Variants in ERBB4 observed in about 807,000 individuals in gnomAD.
ERBB4 encodes the protein erb-b2 receptor tyrosine kinase 4.
A neutral mutation model predicts 158.0 loss-of-function variants in ERBB4; 42 were observed. That is an observed-to-expected ratio of 0.27 (90% CI 0.21 to 0.34). The LOEUF (loss-of-function observed/expected upper bound fraction) is 0.34, where lower values mean the gene tolerates loss of function less well. ERBB4 is among the 10% of genes least tolerant of loss of function. The probability of loss-of-function intolerance (pLI) is 1.00; values close to 1 mark genes in which losing one functional copy is unlikely to be tolerated. For missense variants in ERBB4, 1,333 were observed against 1,624.1 expected (o/e 0.82, Z 3.08); for synonymous variants, 583 against 558.7 (o/e 1.04, Z -0.61).
chr2:211,885,516 C>A (rs2106163852), intron 3 of ERBB4, among the ~76,000 whole-genome samples: 1 of 152,084 alleles, frequency 6.6e-6, no homozygotes, highest in Admixed American at 6.5e-5. Context: ...AGTATACTGG[C>A]ATGATCTCGG....
In ERBB4 at chr2:212,384,924, C is replaced by T. The variant is rs575317843; in HGVS notation, c.82+153525G>A. 4.7e-3 allele frequency among the ~76,000 whole-genome samples: 605 copies of T among 127,392 alleles called. 1 individual carries two copies. Among genetic ancestry groups the T allele is most frequent in the South Asian group, 0.032 (138 of 4,278 alleles). The allele number at this position is 127,392 out of a possible 152,430, so 83.6% of individuals were successfully genotyped here. A position where few individuals can be genotyped will look rare whatever the true frequency, so the allele number is the denominator to read the frequency against. The stretch of plus-strand genomic sequence containing the variant: ...ATATATATATATATATATATATACA[C>T]ACACACACACACTCACACACACAAA... On this transcript the variant is annotated intron_variant, in intron 1 of 27. Coordinates refer to ENST00000342788, the MANE Select transcript of ERBB4 (RefSeq NM_005235.3).
intron 3 of ERBB4, among the ~76,000 whole-genome samples, chr2:211,793,647 A>G (rs1161634843): frequency 6.6e-6 from 1 of 151,940 alleles, no homozygotes; most frequent in Non-Finnish European, 1.5e-5. Context: ...ATGATACAAA[A>G]GTAATATAGC....
intron 1 of ERBB4, among the ~76,000 whole-genome samples, chr2:212,382,034 A>G (rs2090519832): frequency 6.6e-6 from 1 of 151,070 alleles, no homozygotes; most frequent in Non-Finnish European, 1.5e-5. Flanking sequence ...TGTTAGAAAT[A>G]CAGAATTTTA....
chr2:211,579,489 A>T (rs1210717885), intron 19 of ERBB4, among the ~76,000 whole-genome samples: 1 of 152,202 alleles, frequency 6.6e-6, no homozygotes. Context: ...TTGGAAAGAT[A>T]CATGCACATC....
At chr2:212,334,422 A>C (rs2106303187) in intron 1 of ERBB4, among the ~76,000 whole-genome samples, 1 of 152,170 alleles carries the variant, frequency 6.6e-6, no homozygotes, top group African/African-American at 2.4e-5. Flanking sequence ...CTGAATAATT[A>C]ATTGTTGAAT....
At chr2:211,501,413 T>C (rs2065612391) in intron 20 of ERBB4, among the ~76,000 whole-genome samples, 1 of 151,830 alleles carries the variant, frequency 6.6e-6, no homozygotes, top group Non-Finnish European at 1.5e-5. Context: ...CTACTTGATT[T>C]GATCATTACC....
At chr2:211,507,167 A>G (rs1038064894) in intron 20 of ERBB4, among the ~76,000 whole-genome samples, 7 of 152,136 alleles carry the variant, frequency 4.6e-5, no homozygotes, top group Non-Finnish European at 8.8e-5. Context: ...AGGAAGGAAA[A>G]GAAATCCTAA....
intron 19 of ERBB4, among the ~76,000 whole-genome samples, chr2:211,615,769 A>G (rs943394874): frequency 6.6e-6 from 1 of 152,116 alleles, no homozygotes; most frequent in Admixed American, 6.6e-5. Context: ...AAGTTGCCAC[A>G]TTTGTGTTAT....
chr2:211,953,320 A>C (rs1487484115), intron 2 of ERBB4, among the ~76,000 whole-genome samples: 1 of 152,006 alleles, frequency 6.6e-6, no homozygotes, highest in Non-Finnish European at 1.5e-5. Context: ...CCACCATGGC[A>C]CATGTATACC....
intron 1 of ERBB4, among the ~76,000 whole-genome samples, chr2:212,500,824 A>T (rs2106238656): frequency 6.6e-6 from 1 of 152,310 alleles, no homozygotes; most frequent in Non-Finnish European, 1.5e-5. Flanking sequence ...GAAAAGAAGG[A>T]GATTTAAAAA....
chr2:212,143,966 C>A (rs903489020), intron 1 of ERBB4, among the ~76,000 whole-genome samples: 7 of 151,450 alleles, frequency 4.6e-5, no homozygotes, highest in Non-Finnish European at 8.8e-5. Flanking sequence ...TTGCAGTGAG[C>A]CAAGATCACA....
intron 2 of ERBB4, among the ~76,000 whole-genome samples, chr2:211,949,598 A>G (rs2080817778): frequency 6.6e-6 from 1 of 152,144 alleles, no homozygotes; most frequent in African/African-American, 2.4e-5. Context: ...TATGGCTCTT[A>G]TTATAATTCT....
At chr2:211,421,631 G>A (rs2063516587) in intron 24 of ERBB4, among the ~76,000 whole-genome samples, 1 of 151,704 alleles carries the variant, frequency 6.6e-6, no homozygotes, top group South Asian at 2.1e-4. Context: ...TCAAGCATGG[G>A]CAAGATTAAA....
At chr2:212,278,911 G>C (rs1314048334) in intron 1 of ERBB4, among the ~76,000 whole-genome samples, 1 of 151,558 alleles carries the variant, frequency 6.6e-6, no homozygotes, top group Non-Finnish European at 1.5e-5. Context: ...TTTTGGATCT[G>C]TGTCAGAGGT....
intron 20 of ERBB4, among the ~76,000 whole-genome samples, chr2:211,494,809 T>C (rs2065429619): frequency 6.6e-6 from 1 of 152,178 alleles, no homozygotes; most frequent in Non-Finnish European, 1.5e-5. Context: ...GCTGTTCATC[T>C]GCCAGTCATC....
At chr2:212,312,849 A>T (rs2087109062) in intron 1 of ERBB4, among the ~76,000 whole-genome samples, 1 of 150,888 alleles carries the variant, frequency 6.6e-6, no homozygotes, top group South Asian at 2.1e-4. Context: ...ACATAGTATT[A>T]ATAAGGAAAA....
chr2:211,857,599 T>C lies in ERBB4; in HGVS notation c.422-69440A>G, dbSNP rs1405147543. 1.9e-4 allele frequency among the ~76,000 whole-genome samples: 29 copies of C among 152,122 alleles called. 1 individual carries two copies. The highest frequency in any genetic ancestry group is 1.9e-3 in the Admixed American group (29 of 15,274). The stretch of plus-strand genomic sequence containing the variant: ...TAAAAGGAATAACAGAAAATCTAAT[T>C]TGGAATAAAAACAAATGACAATTGG... On this transcript the variant is annotated intron_variant, in intron 3 of 27. Coordinates refer to ENST00000342788, the MANE Select transcript of ERBB4 (RefSeq NM_005235.3).
intron 20 of ERBB4, among the ~76,000 whole-genome samples, chr2:211,511,375 A>G (rs1336539114): frequency 6.6e-6 from 1 of 152,072 alleles, no homozygotes; most frequent in African/African-American, 2.4e-5. Context: ...ATGATTATAT[A>G]CATGTTCTTG....
At chr2:212,099,241 A>C (rs1163610249) in intron 2 of ERBB4, among the ~76,000 whole-genome samples, 2 of 151,834 alleles carry the variant, frequency 1.3e-5, no homozygotes, top group South Asian at 4.1e-4. Flanking sequence ...AAAAAGCCAG[A>C]CTGTGTCTCA....
Sources: allele counts gnomAD v4.1 joint callset (sites outside exome capture counted in the v4.1 genomes callset), GRCh38; gene constraint gnomAD v4.1.1; transcripts MANE v1.5; gene names NCBI Gene and HGNC (gene_info 2026-07-23, HGNC 2026-07-21).